Variants in RIMKLB observed in about 807,000 individuals in gnomAD.
RIMKLB encodes the protein ribosomal modification protein rimK like family member B, also known as beta-citrylglutamate synthase B.
A neutral mutation model predicts 32.0 loss-of-function variants in RIMKLB; 7 were observed. The observed-to-expected ratio is 0.22, with a 90% confidence interval of 0.12 to 0.41. The LOEUF is 0.41. Among genes scored for constraint, RIMKLB ranks in the 10% least tolerant of loss-of-function variants. The pLI, the probability that RIMKLB is intolerant of heterozygous loss-of-function variation, is 1.00. For missense variants in RIMKLB, 289 were observed against 498.7 expected, an observed-to-expected ratio of 0.58 and a Z score of 4.00; for synonymous variants, 172 against 185.1, an observed-to-expected ratio of 0.93 and a Z score of 0.57.
At chr12:8,711,902 G>A (rs893820075) in intron 1 of RIMKLB, among the ~76,000 whole-genome samples, 1 of 152,102 alleles carries the variant, frequency 6.6e-6, no homozygotes, top group African/African-American at 2.4e-5. Context: ...ATGATTGTCC[G>A]CAGGGAAGAG....
intron 1 of RIMKLB, among the ~76,000 whole-genome samples, chr12:8,712,522 G>C (rs1944459046): frequency 6.6e-6 from 1 of 152,246 alleles, no homozygotes; most frequent in Admixed American, 6.5e-5. Context: ...TGTGTAAGCT[G>C]AGTTACTACC....
intron 2 of RIMKLB, among the ~76,000 whole-genome samples, chr12:8,747,414 C>T (rs757227437): frequency 1.3e-4 from 20 of 152,048 alleles, no homozygotes; most frequent in South Asian, 2.1e-4. Context: ...CACACACCCC[C>T]GGCTCATGGT....
At chr12:8,707,119 T>G (rs767084684) in intron 1 of RIMKLB, among the ~76,000 whole-genome samples, 1 of 152,200 alleles carries the variant, frequency 6.6e-6, no homozygotes, top group Non-Finnish European at 1.5e-5. Flanking sequence ...GATCCACTGA[T>G]GGAGATTTCT....
chr12:8,713,790 T>A, intron 1 of RIMKLB, 21 bp from the exon 2 acceptor site: 1 of 1,361,812 alleles, frequency 7.3e-7, no homozygotes, highest in Non-Finnish European at 1.1e-6. Context: ...ACCTTTTATG[T>A]ATATTTTTTC....
chr12:8,742,914 G>T (rs1485911086), intron 2 of RIMKLB: 5 of 168,906 alleles, frequency 3.0e-5, no homozygotes, highest in Non-Finnish European at 6.4e-5. Context: ...GGCATCCCAT[G>T]CAGCAACAAG....
At chr12:8,779,535 A>G (rs1435022690), downstream of RIMKLB, 1 of 152,336 alleles carries the variant, frequency 6.6e-6, no homozygotes, top group African/African-American at 2.4e-5. Context: ...ATGAGAAAGT[A>G]GAAGCAATGT....
chr12:8,675,802 T>C, the RIMKLB span, among the ~76,000 whole-genome samples: 1 of 151,826 alleles, frequency 6.6e-6, no homozygotes, highest in African/African-American at 2.4e-5. Context: ...TTTCTTTTTT[T>C]TTTTTTTTAA....
At chr12:8,690,467 CT>C (rs943994024) in intron 1 of RIMKLB, among the ~76,000 whole-genome samples, 4 of 152,118 alleles carry the variant, frequency 2.6e-5, no homozygotes, top group African/African-American at 4.8e-5. Flanking sequence ...GCAGACAATC[CT>C]TTTTATAGTC....
At chr12:8,746,730 AT>A (rs1224382637) in intron 2 of RIMKLB, among the ~76,000 whole-genome samples, 4 of 152,132 alleles carry the variant, frequency 2.6e-5, no homozygotes, top group Admixed American at 2.6e-4. Context: ...CTCCTGGAGA[AT>A]AATTTCTACT....
At chr12:8,739,299 C>T (rs935113231) in intron 2 of RIMKLB, among the ~76,000 whole-genome samples, 1 of 152,082 alleles carries the variant, frequency 6.6e-6, no homozygotes, top group African/African-American at 2.4e-5. Context: ...AGAGAGAGCA[C>T]GTGCACAAGA....
chr12:8,760,659 T>C (rs367552084), intron 5 of RIMKLB, among the ~76,000 whole-genome samples: 32,836 of 151,902 alleles, frequency 0.22, 3,969 homozygotes, highest in Non-Finnish European at 0.27. Context: ...GATGGTATCT[T>C]ATTGTGGTTA....
chr12:8,729,856 T>G (rs1230865569), intron 2 of RIMKLB, among the ~76,000 whole-genome samples: 2 of 152,228 alleles, frequency 1.3e-5, no homozygotes. Context: ...TCCACATCTT[T>G]GTCAACTTCT....
intron 4 of RIMKLB, among the ~76,000 whole-genome samples, chr12:8,753,316 G>T (rs1177641043): frequency 6.6e-6 from 1 of 152,056 alleles, no homozygotes; most frequent in African/African-American, 2.4e-5. Context: ...GCAATCACAA[G>T]CCCTCCTAGA....
chr12:8,732,753 A>G (rs1946657625), intron 2 of RIMKLB, among the ~76,000 whole-genome samples: 2 of 149,626 alleles, frequency 1.3e-5, no homozygotes, highest in Non-Finnish European at 2.9e-5. Flanking sequence ...AATTATATAT[A>G]TATACACACA....
chr12:8,709,637 C>T (rs964173015), intron 1 of RIMKLB, among the ~76,000 whole-genome samples: 1 of 152,256 alleles, frequency 6.6e-6, no homozygotes, highest in Admixed American at 6.5e-5. Context: ...GCCGCATGTC[C>T]TCCTGTGGGA....
At position 8,721,875 on chromosome 12, in the gene RIMKLB, C is replaced by G. The variant is rs776361053; in HGVS notation, c.175+7834C>G. On this transcript the variant is annotated intron_variant, in intron 2 of 5. Coordinates refer to ENST00000535829, the MANE Select transcript of RIMKLB (RefSeq NM_001297776.2). Reference sequence around the variant, plus strand: ...TCTCCTGCCTCACTCTCCCAAGTAGCTGGGACTACAGGTGTGTGCCACTAT... The same window carrying G: ...TCTCCTGCCTCACTCTCCCAAGTAGGTGGGACTACAGGTGTGTGCCACTAT... Among the ~76,000 whole-genome samples, 10 of 152,316 alleles carry G rather than the reference C, an allele frequency of 6.6e-5. No individual in the cohort carries two copies. In the South Asian group the frequency reaches 2.1e-3, roughly 32 times the overall value.
intron 2 of RIMKLB, among the ~76,000 whole-genome samples, chr12:8,748,643 G>C (rs1305346370): frequency 6.7e-6 from 1 of 149,564 alleles, no homozygotes; most frequent in African/African-American, 2.5e-5. Context: ...AATGAAAATA[G>C]GGTTTAAGAA....
chr12:8,755,599 A>G (rs1006146552), intron 5 of RIMKLB, among the ~76,000 whole-genome samples: 16 of 152,156 alleles, frequency 1.1e-4, no homozygotes, highest in Admixed American at 8.5e-4. Context: ...TGGATTACCT[A>G]CAGTAGCCCC....
Position 8,718,568 on chromosome 12 carries a change from C to T in RIMKLB, c.175+4527C>T, listed in dbSNP as rs772829058. Among the ~76,000 whole-genome samples the T allele has an allele frequency of 9.9e-5, 15 of 152,068 alleles. No individual in the cohort carries two copies. In the South Asian group the frequency reaches 1.5e-3, roughly 15 times the overall value. On this transcript the variant is annotated intron_variant, in intron 2 of 5. Transcript: ENST00000535829. ...TGAGTCAGGAGAATCGATTGAACCC[C>T]GGAGGTGGAGGTTGCAGTGAGCTGA...
Sources: gnomAD v4.1 joint callset for allele counts (sites outside exome capture counted in the v4.1 genomes callset) on GRCh38, gnomAD v4.1.1 for gene constraint, MANE v1.5 for transcripts, NCBI Gene and HGNC (gene_info 2026-07-23, HGNC 2026-07-21) for gene names.